AGBL1: variants seen among roughly 807,000 people sequenced by gnomAD.
The protein encoded by AGBL1 is cytosolic carboxypeptidase 4.
A neutral mutation model predicts 118.9 loss-of-function variants in AGBL1; 130 were observed. The observed-to-expected ratio is 1.09, with a 90% CI of 0.95 to 1.26. AGBL1 has a LOEUF of 1.26. AGBL1 is among the 50% of genes most tolerant of loss of function. AGBL1 has a pLI of 0.00. For missense variants in AGBL1, 1,584 were observed against 1,298.1 expected (o/e 1.22, Z -3.38); for synonymous variants, 555 against 478.9 (o/e 1.16, Z -2.08).
At chr15:86,283,583 A>G (rs929571304) in intron 16 of AGBL1, among the ~76,000 whole-genome samples, 1 of 152,178 alleles carries the variant, frequency 6.6e-6, no homozygotes, top group African/African-American at 2.4e-5. Context: ...ATTTTATAAA[A>G]GACTCAGAAT....
chr15:86,793,556 C>T (rs2078527176), intron 22 of AGBL1, among the ~76,000 whole-genome samples: 1 of 152,096 alleles, frequency 6.6e-6, no homozygotes, highest in Non-Finnish European at 1.5e-5. Context: ...CATTATATTT[C>T]ACAATTTGTT....
chr15:86,134,887 A>G (rs936608944), intron 1 of AGBL1, among the ~76,000 whole-genome samples: 2 of 151,522 alleles, frequency 1.3e-5, no homozygotes, highest in Non-Finnish European at 2.9e-5. Context: ...TGCTGGGATT[A>G]CAGGTGTAAG....
chr15:86,180,346 T>C (rs886891958), intron 5 of AGBL1, among the ~76,000 whole-genome samples: 3 of 152,088 alleles, frequency 2.0e-5, no homozygotes, highest in Admixed American at 2.0e-4. Context: ...TCAAGATAGA[T>C]TAATGGAACA....
At chr15:86,180,276 C>G (rs1398221846) in intron 5 of AGBL1, among the ~76,000 whole-genome samples, 1 of 151,738 alleles carries the variant, frequency 6.6e-6, no homozygotes, top group Non-Finnish European at 1.5e-5. Flanking sequence ...AATTGGAGGA[C>G]AAAGAATACT....
At chr15:86,777,826 A>G (rs16977977) in intron 22 of AGBL1, among the ~76,000 whole-genome samples, 20,268 of 152,082 alleles carry the variant, frequency 0.13, 1,490 homozygotes, top group African/African-American at 0.19. Context: ...TAAGTGAACA[A>G]ATCATAATAG....
chr15:86,429,764 T>A (rs2081912429), intron 18 of AGBL1, among the ~76,000 whole-genome samples: 1 of 152,272 alleles, frequency 6.6e-6, no homozygotes, highest in Non-Finnish European at 1.5e-5. Context: ...CAGGCATTTT[T>A]CTTAACATTG....
chr15:86,241,378 G>A (rs2078639221), intron 6 of AGBL1, among the ~76,000 whole-genome samples: 1 of 152,108 alleles, frequency 6.6e-6, no homozygotes, highest in Admixed American at 6.5e-5. Flanking sequence ...TTGTAAGAAT[G>A]TTTCAATTAT....
At chr15:86,283,569 C>A (rs546917936) in intron 16 of AGBL1, among the ~76,000 whole-genome samples, 66 of 152,008 alleles carry the variant, frequency 4.3e-4, no homozygotes, top group African/African-American at 1.5e-3. Flanking sequence ...GCCACATGCA[C>A]AATATTTTAT....
In AGBL1 at chr15:86,419,135, G is replaced by C. The variant is rs183758260; in HGVS notation, c.2555+21589G>C. On this transcript the variant is annotated intron_variant, in intron 18 of 22. Transcript: ENST00000614907. ...TTTGTCCACATGTGGTAAGCTTTCA[G>C]GGGTTAAACGGCAAAATTTGGGGGG... 3.2e-3 allele frequency among the ~76,000 whole-genome samples: 480 copies of C among 151,958 alleles called. 1 individual carries two copies. Among genetic ancestry groups the C allele is most frequent in the African/African-American group, 0.011 (453 of 41,420 alleles).
intron 22 of AGBL1, among the ~76,000 whole-genome samples, chr15:86,870,784 A>G (rs1255666104): frequency 1.3e-5 from 2 of 152,146 alleles, no homozygotes; most frequent in East Asian, 1.9e-4. Flanking sequence ...GGTGCTGTCT[A>G]TACTATAGGG....
chr15:86,767,463 A>G (rs1316366643), intron 22 of AGBL1, among the ~76,000 whole-genome samples: 1 of 151,998 alleles, frequency 6.6e-6, no homozygotes, highest in Non-Finnish European at 1.5e-5. Context: ...TTCTTAAATA[A>G]TAAATGCTGA....
Position 86,572,689 on chromosome 15 carries a change from G to A in AGBL1, c.2994+18152G>A, listed in dbSNP as rs546941179. ...GCAGTCGGCTGCCTCAGGGTACAGG[G>A]CACAGGAGTCCGACCATCGCCACAG... On this transcript the variant is annotated intron_variant, in intron 21 of 22. Coordinates refer to ENST00000614907, the MANE Select transcript of AGBL1 (RefSeq NM_001386094.1). Among the ~76,000 whole-genome samples the A allele has an allele frequency of 5.3e-5, 8 of 152,312 alleles. No homozygotes were observed. In the South Asian group the frequency reaches 1.4e-3, roughly 28 times the overall value.
At chr15:86,954,556 A>G (rs540136734) in intron 23 of AGBL1, among the ~76,000 whole-genome samples, 1 of 152,296 alleles carries the variant, frequency 6.6e-6, no homozygotes, top group Non-Finnish European at 1.5e-5. Flanking sequence ...GGAACAAAAG[A>G]CCAAATACCA....
chr15:86,687,056 T>A (rs2086071097), intron 22 of AGBL1, among the ~76,000 whole-genome samples: 1 of 152,056 alleles, frequency 6.6e-6, no homozygotes, highest in African/African-American at 2.4e-5. Context: ...CCGGTCAGGG[T>A]TTTGTCAGGA....
At position 86,201,801 on chromosome 15, in the gene AGBL1, C is replaced by A. The variant is rs142354875; in HGVS notation, c.489-23113C>A. On this transcript the variant is annotated intron_variant, in intron 5 of 22. Transcript: ENST00000614907. ...TTATGTGGAGCTTCAGTAACTGAAT[C>A]TGTCATGTCAGCTACTTCAGTAGGC... 8.6e-4 allele frequency among the ~76,000 whole-genome samples: 131 copies of A among 152,286 alleles called. 1 individual carries two copies. Among genetic ancestry groups the A allele is most frequent in the African/African-American group, 3.0e-3 (123 of 41,544 alleles).
In AGBL1 at chr15:86,512,514, G is replaced by T. The variant is rs375599775; in HGVS notation, c.2556-10296G>T. On this transcript the variant is annotated intron_variant, in intron 18 of 22. Coordinates refer to ENST00000614907, the MANE Select transcript of AGBL1 (RefSeq NM_001386094.1). The stretch of plus-strand genomic sequence containing the variant: ...AAGGTGTAATCTAATTTTTTCCTTG[G>T]TAAGTCATATCCTGTTATTACCTAG... Among the ~76,000 whole-genome samples, 22 of 151,358 alleles carry T rather than the reference G, an allele frequency of 1.5e-4. No homozygotes were observed. In the South Asian group the frequency reaches 4.0e-3, roughly 27 times the overall value.
At chr15:86,346,590 C>T (rs1414442048) in intron 17 of AGBL1, among the ~76,000 whole-genome samples, 3 of 151,996 alleles carry the variant, frequency 2.0e-5, no homozygotes, top group Non-Finnish European at 4.4e-5. Flanking sequence ...ACCTCATGAT[C>T]CTACCACCTC....
At chr15:86,735,375 C>T (rs1023485480) in intron 22 of AGBL1, among the ~76,000 whole-genome samples, 8 of 152,026 alleles carry the variant, frequency 5.3e-5, no homozygotes, top group Non-Finnish European at 1.0e-4. Context: ...GGCATGGCAC[C>T]CAGCTGGCTT....
At chr15:86,722,254 C>A (rs2086735542) in intron 22 of AGBL1, among the ~76,000 whole-genome samples, 1 of 152,184 alleles carries the variant, frequency 6.6e-6, no homozygotes, top group African/African-American at 2.4e-5. Flanking sequence ...TGACTTCAAA[C>A]TCTACTACAA....
Sources: gnomAD v4.1 joint callset for allele counts (sites outside exome capture counted in the v4.1 genomes callset) on GRCh38, gnomAD v4.1.1 for gene constraint, MANE v1.5 for transcripts, NCBI Gene and HGNC (gene_info 2026-07-23, HGNC 2026-07-21) for gene names.